The following CCDC141 variants were observed in gnomAD, a reference collection of about 807,000 sequenced individuals.
CCDC141 encodes coiled-coil domain-containing protein 141.
CCDC141 carries 168 observed loss-of-function variants against 181.0 expected under a neutral mutation model. That is an observed-to-expected ratio of 0.93 (90% confidence interval 0.82 to 1.05). The LOEUF is 1.05. Among genes scored for constraint, CCDC141 ranks in the 50% least tolerant of loss-of-function variants. The probability of loss-of-function intolerance (pLI) is 0.00; values close to 1 mark genes in which losing one functional copy is unlikely to be tolerated. For synonymous variants in CCDC141, 666 were observed against 642.3 expected (o/e 1.04, Z -0.56); for missense variants, 1,902 against 1,788.5 (o/e 1.06, Z -1.14).
At chr2:179,042,391 A>T (rs1231109693) in intron 2 of CCDC141, among the ~76,000 whole-genome samples, 3 of 152,208 alleles carry the variant, frequency 2.0e-5, no homozygotes, top group Non-Finnish European at 4.4e-5. Flanking sequence ...TCTGTCGCCC[A>T]GGCTGGAGTG....
intron 2 of CCDC141, among the ~76,000 whole-genome samples, chr2:179,004,533 T>C (rs2042070551): frequency 6.6e-6 from 1 of 152,172 alleles, no homozygotes; most frequent in Admixed American, 6.5e-5. Context: ...ATAAATACTT[T>C]ATTGTCAATT....
intron 7 of CCDC141, among the ~76,000 whole-genome samples, chr2:178,912,672 T>A (rs1688271084): frequency 6.6e-6 from 1 of 152,174 alleles, no homozygotes; most frequent in Admixed American, 6.5e-5. Flanking sequence ...TCATGACTTT[T>A]TCAATTCTTA....
At position 178,834,166 on chromosome 2, in the gene CCDC141, A is replaced by G; in HGVS notation, c.*7T>C. On this transcript the variant is annotated 3_prime_UTR_variant, in exon 24 of 24. Coordinates refer to ENST00000443758, the MANE Select transcript of CCDC141 (RefSeq NM_173648.4). The stretch of plus-strand genomic sequence containing the variant: ...GAGAATGATGTCCATTGGTGCCAAC[A>G]CCACAGTTATTGTGTGAGGAGCCAG... 6.5e-7 allele frequency: 1 copy of G among 1,533,142 alleles called. No individual in the cohort carries two copies. The highest frequency in any genetic ancestry group is 8.7e-7 in the Non-Finnish European group (1 of 1,144,192). 95.0% of individuals were successfully genotyped at this position (1,533,142 alleles called of 1,614,324 possible).
chr2:178,952,470 G>A (rs1330282812), intron 5 of CCDC141, among the ~76,000 whole-genome samples: 1 of 152,116 alleles, frequency 6.6e-6, no homozygotes, highest in Non-Finnish European at 1.5e-5. Context: ...CAAGTAACTG[G>A]CCCCAAACAA....
chr2:178,975,269 A>C, intron 3 of CCDC141, 104 bp from the exon 4 acceptor site: 1 of 581,412 alleles, frequency 1.7e-6, no homozygotes, highest in Non-Finnish European at 3.1e-6. Context: ...AGCCCAACTG[A>C]GGATGTGTGA....
At chr2:178,983,129 G>A (rs1691516823) in intron 2 of CCDC141, among the ~76,000 whole-genome samples, 1 of 152,186 alleles carries the variant, frequency 6.6e-6, no homozygotes, top group African/African-American at 2.4e-5. Flanking sequence ...AGAACTGGCA[G>A]ACCGCCTCCT....
Position 178,942,502 on chromosome 2 carries a change from A to C in CCDC141, c.897+2033T>G, listed in dbSNP as rs568576751. On this transcript the variant is annotated intron_variant, in intron 6 of 23. Transcript: ENST00000443758. ...TGGTTGTCAGGAGTTGGGGGTGTGG[A>C]AAGGAATGAACAGGCAGAGCGCAGA... 3.5e-4 allele frequency among the ~76,000 whole-genome samples: 53 copies of C among 152,304 alleles called. 1 individual carries two copies. In the South Asian group the frequency reaches 0.01, roughly 30 times the overall value.
downstream of CCDC141, among the ~76,000 whole-genome samples, chr2:178,826,143 C>T (rs76606987): frequency 3.7e-3 from 556 of 152,196 alleles, 2 homozygotes; most frequent in African/African-American, 0.013. Context: ...CATGAATACA[C>T]ATTAGATTTT....
chr2:178,890,722 C>T (rs1010289029), intron 8 of CCDC141, among the ~76,000 whole-genome samples: 9 of 152,104 alleles, frequency 5.9e-5, no homozygotes, highest in Non-Finnish European at 1.3e-4. Context: ...GACACTGAGC[C>T]CAGCCTCCTC....
chr2:178,877,913 C>A, intron 12 of CCDC141, 51 bp downstream of exon 12: 1 of 1,506,424 alleles, frequency 6.6e-7, no homozygotes, highest in Non-Finnish European at 9.2e-7. Flanking sequence ...ATTATTTTGA[C>A]TTTGATGAGT....
chr2:179,036,717 G>A (rs74396791), intron 2 of CCDC141, among the ~76,000 whole-genome samples: 12,076 of 152,184 alleles, frequency 0.079, 498 homozygotes, highest in Admixed American at 0.089. Flanking sequence ...CCACAATTCT[G>A]GCATTGTTCC....
intron 2 of CCDC141, among the ~76,000 whole-genome samples, chr2:179,008,383 A>G (rs949218240): frequency 1.5e-4 from 23 of 152,060 alleles, no homozygotes; most frequent in South Asian, 2.1e-4. Flanking sequence ...AATATAACCA[A>G]CCTGCTCCCG....
At chr2:178,933,907 G>T in intron 6 of CCDC141, among the ~76,000 whole-genome samples, 1 of 152,184 alleles carries the variant, frequency 6.6e-6, no homozygotes, top group East Asian at 1.9e-4. Context: ...CTGGGCTCCA[G>T]CCAGGAGTCA....
At chr2:178,933,649 C>T (rs186954763) in intron 6 of CCDC141, among the ~76,000 whole-genome samples, 2 of 152,314 alleles carry the variant, frequency 1.3e-5, no homozygotes, top group East Asian at 3.9e-4. Flanking sequence ...TTCTGTCTCC[C>T]TCCCATTACT....
chr2:179,014,007 A>ACAC (rs929404247), intron 2 of CCDC141, among the ~76,000 whole-genome samples: 1 of 149,474 alleles, frequency 6.7e-6, no homozygotes, highest in South Asian at 2.1e-4. Context: ...TAGAGGCATC[A>ACAC]CACTACCTCA....
intron 2 of CCDC141, among the ~76,000 whole-genome samples, chr2:179,011,999 A>G (rs1575341934): frequency 6.6e-6 from 1 of 152,290 alleles, no homozygotes; most frequent in Non-Finnish European, 1.5e-5. Context: ...TAATAGCTCT[A>G]AACACCTACA....
At chr2:178,992,953 C>G (rs936532607) in intron 2 of CCDC141, among the ~76,000 whole-genome samples, 3 of 152,162 alleles carry the variant, frequency 2.0e-5, no homozygotes. Context: ...CATCCCCTTA[C>G]GCTGTGATTG....
Position 178,878,122 on chromosome 2 carries a change from A to C in CCDC141, c.1741T>G (p.Leu581Val). The C allele has an allele frequency of 6.2e-7, 1 of 1,605,760 alleles. No homozygotes were observed. The highest frequency in any genetic ancestry group is 8.5e-7 in the Non-Finnish European group (1 of 1,178,192). The change falls in exon 12 of 24, where the codon TTA becomes GTA. Residue 581 changes from leucine to valine, a missense_variant. Transcript: ENST00000443758. ...SEEVEMQFQS[L>V]KEFYETEIPQ... ...ATTTCGGTTTCATAAAATTCTTTTA[A>C]GCTCTGAAACTGCATCTCTACCTAA...
chr2:178,981,655 T>TATATAC (rs1363397709), intron 2 of CCDC141, among the ~76,000 whole-genome samples: 11 of 136,438 alleles, frequency 8.1e-5, no homozygotes, highest in Admixed American at 1.5e-4. Context: ...TATATATATA[T>TATATAC]ATACATACAT....
Sources: gnomAD v4.1 joint callset for allele counts (sites outside exome capture counted in the v4.1 genomes callset) on GRCh38, gnomAD v4.1.1 for gene constraint, MANE v1.5 for transcripts, NCBI Gene and HGNC (gene_info 2026-07-23, HGNC 2026-07-21) for gene names.